Variants in RANBP2 observed in about 807,000 individuals in gnomAD.
The protein encoded by RANBP2 is RAN binding protein 2.
A neutral mutation model predicts 303.6 loss-of-function variants in RANBP2; 57 were observed. The observed-to-expected ratio is 0.19, with a 90% CI of 0.15 to 0.23. RANBP2 has a LOEUF of 0.23. Among genes scored for constraint, RANBP2 ranks in the 10% least tolerant of loss-of-function variants. The pLI, the probability that RANBP2 is intolerant of heterozygous loss-of-function variation, is 1.00. For missense variants in RANBP2, 3,138 were observed against 3,780.8 expected (o/e 0.83, Z 4.46); for synonymous variants, 1,167 against 1,301.5 (o/e 0.90, Z 2.23).
chr2:108,863,792 A>G, the RANBP2 span, among the ~76,000 whole-genome samples: 1 of 152,252 alleles, frequency 6.6e-6, no homozygotes, highest in South Asian at 2.1e-4. Context: ...GTTCTTGGTC[A>G]GCCACTTCAG....
At chr2:108,990,066 C>T in the RANBP2 span, among the ~76,000 whole-genome samples, 2 of 152,248 alleles carry the variant, frequency 1.3e-5, no homozygotes, top group Non-Finnish European at 1.5e-5. Context: ...GAGGCTGAGG[C>T]GGGCAGATCA....
At chr2:109,611,676 G>A in the RANBP2 span, among the ~76,000 whole-genome samples, 2 of 152,100 alleles carry the variant, frequency 1.3e-5, no homozygotes, top group Non-Finnish European at 2.9e-5. Flanking sequence ...CAGGAGGATC[G>A]CTTGAGCCCA....
chr2:108,779,509 T>C (rs1678097694), intron 25 of RANBP2, among the ~76,000 whole-genome samples: 1 of 152,184 alleles, frequency 6.6e-6, no homozygotes, highest in South Asian at 2.1e-4. Flanking sequence ...CCATTAAATC[T>C]GTCTGAAAGA....
chr2:109,696,255 G>T, the RANBP2 span, among the ~76,000 whole-genome samples: 1 of 152,240 alleles, frequency 6.6e-6, no homozygotes, highest in East Asian at 1.9e-4. Flanking sequence ...GAGCCACCAT[G>T]CCCAACCAAG....
the RANBP2 span, among the ~76,000 whole-genome samples, chr2:108,992,767 G>A: frequency 7.9e-5 from 12 of 152,214 alleles, no homozygotes; most frequent in Admixed American, 6.5e-4. Flanking sequence ...AGAGTTTGCA[G>A]CTTCAAATTT....
At chr2:109,493,666 A>G in the RANBP2 span, among the ~76,000 whole-genome samples, 1 of 151,714 alleles carries the variant, frequency 6.6e-6, no homozygotes, top group African/African-American at 2.4e-5. Flanking sequence ...CACATATTAT[A>G]CAAACACATC....
chr2:108,877,943 T>C, the RANBP2 span, among the ~76,000 whole-genome samples: 2 of 152,170 alleles, frequency 1.3e-5, no homozygotes, highest in Non-Finnish European at 2.9e-5. Context: ...AATAGGGAGC[T>C]CTACAGGAGA....
the RANBP2 span, among the ~76,000 whole-genome samples, chr2:108,855,742 A>G: frequency 6.6e-6 from 1 of 152,198 alleles, no homozygotes; most frequent in Non-Finnish European, 1.5e-5. Flanking sequence ...AAGTTATTCT[A>G]AACTTCTCAT....
chr2:109,066,091 C>A, the RANBP2 span, among the ~76,000 whole-genome samples: 8 of 152,028 alleles, frequency 5.3e-5, no homozygotes, highest in Non-Finnish European at 1.0e-4. Context: ...GCATGCGCCA[C>A]CATGCCCGGC....
chr2:108,973,625 G>T, the RANBP2 span, among the ~76,000 whole-genome samples: 1 of 152,224 alleles, frequency 6.6e-6, no homozygotes, highest in Admixed American at 6.5e-5. Context: ...GCCTCCGGAA[G>T]AACAGAAGGA....
the RANBP2 span, among the ~76,000 whole-genome samples, chr2:109,159,484 A>G: frequency 6.6e-6 from 1 of 152,330 alleles, no homozygotes; most frequent in South Asian, 2.1e-4. Flanking sequence ...CTTGTTTTAC[A>G]AGTCAGCTTT....
At chr2:109,663,932 A>G in the RANBP2 span, among the ~76,000 whole-genome samples, 1 of 152,224 alleles carries the variant, frequency 6.6e-6, no homozygotes, top group Non-Finnish European at 1.5e-5. Flanking sequence ...GTCGCTGGAC[A>G]GTAGCCAACT....
chr2:108,830,406 A>G, the RANBP2 span, among the ~76,000 whole-genome samples: 25 of 152,364 alleles, frequency 1.6e-4, no homozygotes, highest in Non-Finnish European at 2.8e-4. Context: ...ATTTTACCAT[A>G]ATAAAGATTT....
In RANBP2 at chr2:108,763,700, A is replaced by G. The variant is rs1553494404; in HGVS notation, c.3161A>G (p.Gln1054Arg). 6.2e-7 allele frequency: 1 copy of G among 1,614,122 alleles called. No homozygotes were observed. Among genetic ancestry groups the G allele is most frequent in the Non-Finnish European group, 8.5e-7 (1 of 1,179,998 alleles). ...FTFSSPQVVTQPPPAAYSNSE... is the reference protein window; with the variant it reads ...FTFSSPQVVTRPPPAAYSNSE... ...TTTTCCTCACCACAGGTTGTGACAC[A>G]GCCCCCTCCTGCAGCTTACAGTAAC... Residue 1054 changes from glutamine (Q) to arginine (R), a missense_variant, in exon 20 of 29, where the codon CAG becomes CGG. This residue lies in a region of RANBP2 where 403 missense variants were observed against 376.7 expected (regional missense o/e 1.07). Coordinates refer to ENST00000283195, the MANE Select transcript of RANBP2 (RefSeq NM_006267.5).
At chr2:109,639,299 G>T in the RANBP2 span, among the ~76,000 whole-genome samples, 1 of 152,174 alleles carries the variant, frequency 6.6e-6, no homozygotes, top group Non-Finnish European at 1.5e-5. Context: ...TTTAATAAGT[G>T]TTTATTGGAC....
chr2:109,456,931 A>G, the RANBP2 span, among the ~76,000 whole-genome samples: 1 of 152,236 alleles, frequency 6.6e-6, no homozygotes, highest in African/African-American at 2.4e-5. Flanking sequence ...GGGAAGGAGC[A>G]CAGTCATCTC....
the RANBP2 span, among the ~76,000 whole-genome samples, chr2:109,737,812 A>G: frequency 1.3e-5 from 2 of 151,986 alleles, no homozygotes; most frequent in East Asian, 3.9e-4. Flanking sequence ...TTAGATTTGC[A>G]TTTCCCTGAT....
the RANBP2 span, among the ~76,000 whole-genome samples, chr2:109,266,037 C>T: frequency 4.3e-4 from 65 of 151,700 alleles, no homozygotes; most frequent in Non-Finnish European, 7.1e-4. Flanking sequence ...TATGTGTATT[C>T]GGTGTGTTGT....
the RANBP2 span, chr2:109,593,103 A>G: frequency 1.2e-6 from 2 of 1,600,332 alleles, no homozygotes; most frequent in Admixed American, 1.7e-5. Context: ...TTTCGTTGCC[A>G]TGTGAGACTG....
Sources: allele counts gnomAD v4.1 joint callset (sites outside exome capture counted in the v4.1 genomes callset), GRCh38; gene constraint gnomAD v4.1.1; regional missense constraint gnomAD v4.1.1; transcripts MANE v1.5; gene names NCBI Gene and HGNC (gene_info 2026-07-23, HGNC 2026-07-21).